Variants in IGSF21 observed in about 807,000 individuals in gnomAD.
IGSF21 encodes the protein immunoglobulin superfamily member 21.
IGSF21 carries 28 observed loss-of-function variants against 46.8 expected under a neutral mutation model. The ratio of observed to expected loss-of-function variants is 0.60; its 90% CI spans 0.44 to 0.82. The LOEUF (loss-of-function observed/expected upper bound fraction) is 0.82. IGSF21 is among the 40% of genes least tolerant of loss of function. The probability of loss-of-function intolerance (pLI) is 0.00; values close to 1 mark genes in which losing one functional copy is unlikely to be tolerated. For missense variants in IGSF21, 624 were observed against 665.5 expected, an observed-to-expected ratio of 0.94 and a Z score of 0.69; for synonymous variants, 284 against 273.6, an observed-to-expected ratio of 1.04 and a Z score of -0.38.
intron 2 of IGSF21, among the ~76,000 whole-genome samples, chr1:18,286,947 C>T (rs758862512): frequency 1.3e-5 from 2 of 152,036 alleles, no homozygotes; most frequent in African/African-American, 2.4e-5. Context: ...TTTGGGAGGC[C>T]GAGGCGGGCG....
At chr1:18,258,240 A>T (rs1331846692) in intron 2 of IGSF21, among the ~76,000 whole-genome samples, 1 of 152,060 alleles carries the variant, frequency 6.6e-6, no homozygotes, top group African/African-American at 2.4e-5. Flanking sequence ...TCTCTCCAAG[A>T]TCTCTTCTAG....
At chr1:18,347,907 G>T (rs1049311668) in intron 4 of IGSF21, among the ~76,000 whole-genome samples, 1 of 152,136 alleles carries the variant, frequency 6.6e-6, no homozygotes, top group Admixed American at 6.5e-5. Context: ...CACCTGCTGT[G>T]GGGGGAGCAC....
chr1:18,311,672 C>G (rs2085489864), intron 3 of IGSF21, among the ~76,000 whole-genome samples: 1 of 152,194 alleles, frequency 6.6e-6, no homozygotes, highest in Non-Finnish European at 1.5e-5. Flanking sequence ...ACTCACAGTT[C>G]CACATGGCTG....
intron 3 of IGSF21, among the ~76,000 whole-genome samples, chr1:18,299,699 G>T (rs1164123507): frequency 6.6e-6 from 1 of 152,184 alleles, no homozygotes; most frequent in Non-Finnish European, 1.5e-5. Flanking sequence ...CTGGAAACCC[G>T]TTCCTCTCTC....
chr1:18,182,365 G>T (rs2124469750), intron 1 of IGSF21, among the ~76,000 whole-genome samples: 1 of 152,088 alleles, frequency 6.6e-6, no homozygotes, highest in South Asian at 2.1e-4. Context: ...TTTTAGTAGA[G>T]ACAGGGTTTT....
At chr1:18,270,592 C>T (rs1450857415) in intron 2 of IGSF21, among the ~76,000 whole-genome samples, 1 of 152,214 alleles carries the variant, frequency 6.6e-6, no homozygotes, top group Non-Finnish European at 1.5e-5. Flanking sequence ...CAGCAGGACT[C>T]TTCTTGGATG....
intron 2 of IGSF21, among the ~76,000 whole-genome samples, chr1:18,278,531 T>TTTTG (rs201958803): frequency 0.15 from 21,631 of 140,794 alleles, 1,876 homozygotes; most frequent in East Asian, 0.27. Context: ...GTAAGGTTTT[T>TTTTG]TTTGTTTGTT....
intron 3 of IGSF21, among the ~76,000 whole-genome samples, chr1:18,302,650 C>A (rs2124576813): frequency 6.6e-6 from 1 of 152,294 alleles, no homozygotes; most frequent in East Asian, 1.9e-4. Context: ...CCCATGCATT[C>A]TTGCATCTCT....
intron 2 of IGSF21, among the ~76,000 whole-genome samples, chr1:18,230,272 C>T (rs974325302): frequency 1.3e-5 from 2 of 152,106 alleles, no homozygotes; most frequent in Non-Finnish European, 2.9e-5. Flanking sequence ...CCTTTTTCTT[C>T]GCCATCCTCC....
In IGSF21 at chr1:18,308,678, G is replaced by A. The variant is rs569398448; in HGVS notation, c.305+16691G>A. 2.0e-3 allele frequency among the ~76,000 whole-genome samples: 302 copies of A among 152,214 alleles called. 1 individual carries two copies. The highest frequency in any genetic ancestry group is 2.0e-3 in the Non-Finnish European group (137 of 68,022). ...CCAAGGATATGTGTGTTCCATGCCCGGGCTTCCTCCACTTCTGACCTCCCC... is the reference window on the plus strand; with the variant it reads ...CCAAGGATATGTGTGTTCCATGCCCAGGCTTCCTCCACTTCTGACCTCCCC... On this transcript the variant is annotated intron_variant, in intron 3 of 9. Coordinates refer to ENST00000251296, the MANE Select transcript of IGSF21 (RefSeq NM_032880.5).
At chr1:18,217,342 TAATTACTTGCTATC>T (rs2084459842) in intron 1 of IGSF21, among the ~76,000 whole-genome samples, 1 of 152,228 alleles carries the variant, frequency 6.6e-6, no homozygotes, top group Non-Finnish European at 1.5e-5. Context: ...CAGTCTTCAC[TAATTACTTGCTATC>T]AATAAGTAAT....
At position 18,218,979 on chromosome 1, in the gene IGSF21, G is replaced by A. The variant is rs189638854; in HGVS notation, c.71-8919G>A. ...CTAGACTCAGTAGCAGAATAGAGAT[G>A]ACAGAGGAAAGAATCAGTGAACTTG... On this transcript the variant is annotated intron_variant, in intron 1 of 9. Transcript: ENST00000251296. Among the ~76,000 whole-genome samples, 43 of 152,290 alleles carry A rather than the reference G, an allele frequency of 2.8e-4. No homozygotes were observed. The East Asian group carries it at 7.3e-3, about 26-fold the overall frequency.
chr1:18,269,644 A>G (rs1021765632), intron 2 of IGSF21, among the ~76,000 whole-genome samples: 10 of 152,156 alleles, frequency 6.6e-5, no homozygotes, highest in Non-Finnish European at 1.3e-4. Flanking sequence ...ACCAGTAAGT[A>G]TACATGTGCA....
chr1:18,229,360 T>C lies in IGSF21; in HGVS notation c.183+1350T>C, dbSNP rs568129765. Reference sequence around the variant, plus strand: ...GTTAGAGGAATCCCTGGGGCATGCGTGCTGTTCATAGTCTTGACTCAGAAC... The same window carrying C: ...GTTAGAGGAATCCCTGGGGCATGCGCGCTGTTCATAGTCTTGACTCAGAAC... On this transcript the variant is annotated intron_variant, in intron 2 of 9. Transcript: ENST00000251296. Among the ~76,000 whole-genome samples, 3 of 152,338 alleles carry C rather than the reference T, an allele frequency of 2.0e-5. No homozygotes were observed. The East Asian group carries it at 5.8e-4, about 29-fold the overall frequency.
At chr1:18,212,691 C>T (rs1334601461) in intron 1 of IGSF21, among the ~76,000 whole-genome samples, 1 of 152,156 alleles carries the variant, frequency 6.6e-6, no homozygotes, top group Non-Finnish European at 1.5e-5. Flanking sequence ...GGTCCTGGCC[C>T]CTCTGCTCAA....
At chr1:18,143,187 C>A (rs553096386) in intron 1 of IGSF21, among the ~76,000 whole-genome samples, 8 of 152,320 alleles carry the variant, frequency 5.3e-5, no homozygotes, top group Admixed American at 2.6e-4. Flanking sequence ...CTCAGCCAGG[C>A]AGCTGCTTGG....
At chr1:18,150,553 A>G (rs1034505232) in intron 1 of IGSF21, among the ~76,000 whole-genome samples, 1 of 152,200 alleles carries the variant, frequency 6.6e-6, no homozygotes, top group African/African-American at 2.4e-5. Flanking sequence ...CAGAGACAGG[A>G]ATGCTGGCCT....
intron 9 of IGSF21, among the ~76,000 whole-genome samples, chr1:18,377,670 G>T (rs1032922426): frequency 1.3e-5 from 2 of 152,300 alleles, no homozygotes; most frequent in African/African-American, 2.4e-5. Context: ...GGCCAACTCT[G>T]CCCCATCTCA....
At chr1:18,297,335 C>T (rs370846495) in intron 3 of IGSF21, among the ~76,000 whole-genome samples, 110 of 152,258 alleles carry the variant, frequency 7.2e-4, no homozygotes, top group African/African-American at 2.6e-3. Flanking sequence ...AGGAAAGGAA[C>T]ATCCAGGCCC....
Sources: gnomAD v4.1 joint callset for allele counts (sites outside exome capture counted in the v4.1 genomes callset) on GRCh38, gnomAD v4.1.1 for gene constraint, MANE v1.5 for transcripts, NCBI Gene and HGNC (gene_info 2026-07-23, HGNC 2026-07-21) for gene names.